Variants in PCDH17 observed in about 807,000 individuals in gnomAD.
PCDH17 encodes the protein protocadherin-17.
PCDH17 carries 21 observed loss-of-function variants against 67.7 expected under a neutral mutation model. The observed-to-expected ratio is 0.31, with a 90% confidence interval of 0.22 to 0.45. The LOEUF (loss-of-function observed/expected upper bound fraction) is 0.45, where lower values mean the gene tolerates loss of function less well. Ranked by LOEUF, PCDH17 falls within the 20% of genes least tolerant of loss-of-function variation. The pLI is 1.00. For synonymous variants in PCDH17, 701 were observed against 656.7 expected (o/e 1.07, Z -1.03); for missense variants, 1,471 against 1,564.8 (o/e 0.94, Z 1.01).
rs532997972 is a variant in PCDH17, at chr13:57,651,570, T to C, written c.2566-14898T>C. ...CCAGGCTGGTCTCAAACTCCAGGTCTCAAGCCATCCATCCGCCTCAGCCTC... is the reference window on the plus strand; with the variant it reads ...CCAGGCTGGTCTCAAACTCCAGGTCCCAAGCCATCCATCCGCCTCAGCCTC... On this transcript the variant is annotated intron_variant, in intron 1 of 3. Coordinates refer to ENST00000377918, the MANE Select transcript of PCDH17 (RefSeq NM_001040429.3). Among the ~76,000 whole-genome samples the C allele has an allele frequency of 1.6e-3, 239 of 152,088 alleles. 2 individuals are homozygous for C. Among genetic ancestry groups the C allele is most frequent in the Middle Eastern group, 0.01 (3 of 294 alleles).
intron 3 of PCDH17, among the ~76,000 whole-genome samples, chr13:57,672,534 T>C (rs1176060761): frequency 6.6e-6 from 1 of 151,902 alleles, no homozygotes; most frequent in East Asian, 1.9e-4. Context: ...AAGGAACTAT[T>C]TAAGAAAGCT....
intron 3 of PCDH17, among the ~76,000 whole-genome samples, chr13:57,679,795 A>G (rs1217088806): frequency 6.6e-6 from 1 of 151,514 alleles, no homozygotes; most frequent in Non-Finnish European, 1.5e-5. Context: ...TGGCAAGAAA[A>G]CCTGAGAAAA....
chr13:57,663,871 C>T (rs1955215633), intron 1 of PCDH17, among the ~76,000 whole-genome samples: 1 of 152,024 alleles, frequency 6.6e-6, no homozygotes, highest in Admixed American at 6.6e-5. Context: ...CACTTTCTTT[C>T]TCTGTGCTTT....
At chr13:57,687,123 T>C (rs1955515528) in intron 3 of PCDH17, among the ~76,000 whole-genome samples, 1 of 152,084 alleles carries the variant, frequency 6.6e-6, no homozygotes, top group Non-Finnish European at 1.5e-5. Context: ...CAATTCTAAA[T>C]TCCGTTGATA....
intron 3 of PCDH17, among the ~76,000 whole-genome samples, chr13:57,703,819 C>A (rs766113928): frequency 6.6e-5 from 10 of 151,950 alleles, no homozygotes; most frequent in East Asian, 1.9e-4. Flanking sequence ...TTAATTATGA[C>A]CTTTTTAATG....
At chr13:57,702,169 G>A (rs945420335) in intron 3 of PCDH17, among the ~76,000 whole-genome samples, 2 of 151,748 alleles carry the variant, frequency 1.3e-5, no homozygotes, top group Non-Finnish European at 2.9e-5. Flanking sequence ...CCACCGCCTC[G>A]GCCTCCCAAA....
intron 3 of PCDH17, among the ~76,000 whole-genome samples, chr13:57,724,374 T>TA (rs1196775410): frequency 6.6e-6 from 1 of 152,228 alleles, no homozygotes; most frequent in Non-Finnish European, 1.5e-5. Flanking sequence ...GGCCACATCT[T>TA]ACTTCTTCCC....
At chr13:57,662,460 T>TA in intron 1 of PCDH17, among the ~76,000 whole-genome samples, 1 of 152,280 alleles carries the variant, frequency 6.6e-6, no homozygotes, top group Non-Finnish European at 1.5e-5. Context: ...CTATACATTT[T>TA]AAAAAATATT....
intron 3 of PCDH17, among the ~76,000 whole-genome samples, chr13:57,703,062 A>G (rs1955683068): frequency 2.0e-5 from 3 of 152,102 alleles, no homozygotes; most frequent in Admixed American, 2.0e-4. Context: ...AAATTTCACA[A>G]ATGATGGAGT....
At chr13:57,661,722 T>C (rs1177214297) in intron 1 of PCDH17, among the ~76,000 whole-genome samples, 1 of 152,178 alleles carries the variant, frequency 6.6e-6, no homozygotes, top group Admixed American at 6.5e-5. Context: ...ATATATTGAA[T>C]CGTCTTTTCA....
intron 1 of PCDH17, among the ~76,000 whole-genome samples, chr13:57,647,233 TAA>T (rs1954975951): frequency 6.6e-6 from 1 of 151,866 alleles, no homozygotes; most frequent in Non-Finnish European, 1.5e-5. Flanking sequence ...GTCATTTGTT[TAA>T]AAGACTTTGA....
rs755184849 is a variant in PCDH17 at position 57,634,951 on chromosome 13, C to T, written c.2405C>T (p.Thr802Ile). ...ATSPMYFDYQ[T>I]RLPLSSPRSE... is the part of the protein sequence containing the mutation. ...TCCCCCATGTACTTCGACTACCAGA[C>T]CCGCCTGCCCCTCAGCTCGCCCCGG... Residue 802 changes from threonine to isoleucine, a missense_variant, in exon 1 of 4, where the codon ACC becomes ATC. Physicochemically the swap from Thr to Ile is moderately conservative, Grantham distance 89. Transcript: ENST00000377918. This position sits in a 1 kb window ranked among gnomAD's most constrained non-coding sequence, Gnocchi z 7.8. 1.9e-6 allele frequency: 3 copies of T among 1,613,866 alleles called. No individual in the cohort carries two copies. Among genetic ancestry groups the T allele is most frequent in the Non-Finnish European group, 2.5e-6 (3 of 1,180,000 alleles).
chr13:57,683,700 C>A (rs1476894638), intron 3 of PCDH17, among the ~76,000 whole-genome samples: 1 of 151,752 alleles, frequency 6.6e-6, no homozygotes, highest in Non-Finnish European at 1.5e-5. Flanking sequence ...GGTAAATATT[C>A]CTCAGGACTC....
chr13:57,681,380 A>G (rs1955449279), intron 3 of PCDH17, among the ~76,000 whole-genome samples: 1 of 151,762 alleles, frequency 6.6e-6, no homozygotes, highest in South Asian at 2.1e-4. Context: ...CTTCAGCACC[A>G]CCTATAGTCA....
intron 3 of PCDH17, among the ~76,000 whole-genome samples, chr13:57,698,751 C>A (rs1400221363): frequency 6.6e-6 from 1 of 151,838 alleles, no homozygotes; most frequent in East Asian, 1.9e-4. Context: ...AATAAAATGG[C>A]CTTCAACACT....
At chr13:57,710,804 A>T (rs1955769249) in intron 3 of PCDH17, among the ~76,000 whole-genome samples, 1 of 152,110 alleles carries the variant, frequency 6.6e-6, no homozygotes, top group African/African-American at 2.4e-5. Context: ...TGCTTTATTC[A>T]TGCCAGAGAA....
At chr13:57,643,644 C>T (rs975054238) in intron 1 of PCDH17, among the ~76,000 whole-genome samples, 1 of 151,536 alleles carries the variant, frequency 6.6e-6, no homozygotes, top group Non-Finnish European at 1.5e-5. Flanking sequence ...TGAATAAGAG[C>T]AGTTATAAGT....
intron 1 of PCDH17, among the ~76,000 whole-genome samples, chr13:57,665,055 T>C (rs1955232617): frequency 6.6e-6 from 1 of 152,192 alleles, no homozygotes; most frequent in Admixed American, 6.5e-5. Flanking sequence ...ACTTCATCTT[T>C]GCATGTACTT....
chr13:57,650,372 T>A (rs1203178970), intron 1 of PCDH17, among the ~76,000 whole-genome samples: 2 of 151,894 alleles, frequency 1.3e-5, no homozygotes, highest in Non-Finnish European at 2.9e-5. Context: ...TTTCAACTAG[T>A]CTATCATTGA....
Sources: gnomAD v4.1 joint callset for allele counts (sites outside exome capture counted in the v4.1 genomes callset) on GRCh38, gnomAD v4.1.1 for gene constraint, Gnocchi (gnomAD v3.1) non-coding constraint, MANE v1.5 for transcripts, NCBI Gene and HGNC (gene_info 2026-07-23, HGNC 2026-07-21) for gene names.